The following PPIP5K2 variants were observed in gnomAD, a reference collection of about 807,000 sequenced individuals.
PPIP5K2 encodes inositol hexakisphosphate and diphosphoinositol-pentakisphosphate kinase 2.
Under a neutral mutation model 154.6 loss-of-function variants are expected in PPIP5K2, and 105 were observed. The ratio of observed to expected loss-of-function variants is 0.68; its 90% CI spans 0.58 to 0.80. The LOEUF is 0.80. Ranked by LOEUF, PPIP5K2 falls within the 30% of genes least tolerant of loss-of-function variation. The pLI is 0.00. For missense variants in PPIP5K2, 992 were observed against 1,504.6 expected, an observed-to-expected ratio of 0.66 and a Z score of 5.64; for synonymous variants, 480 against 490.3, an observed-to-expected ratio of 0.98 and a Z score of 0.28.
chr5:103,161,205 C>A (rs1395929107), intron 17 of PPIP5K2, among the ~76,000 whole-genome samples: 1 of 148,646 alleles, frequency 6.7e-6, no homozygotes, highest in Non-Finnish European at 1.5e-5. Flanking sequence ...TGAGAACATG[C>A]GGTGTTTGGT....
intron 1 of PPIP5K2, among the ~76,000 whole-genome samples, chr5:103,127,944 G>T (rs201701279): frequency 7.5e-6 from 1 of 134,224 alleles, no homozygotes; most frequent in Non-Finnish European, 1.7e-5. Flanking sequence ...TGTTGTTGTT[G>T]TTTTTTTTTT....
intron 5 of PPIP5K2, among the ~76,000 whole-genome samples, chr5:103,143,632 C>T (rs1793226298): frequency 6.6e-6 from 1 of 152,198 alleles, no homozygotes; most frequent in South Asian, 2.1e-4. Flanking sequence ...TGCAACAAAA[C>T]ACTTAGAGTT....
At position 103,205,299 on chromosome 5, in the gene PPIP5K2, A is replaced by G; in HGVS notation, c.*3665A>G. The G allele has an allele frequency of 6.6e-6, 1 of 152,200 alleles. No homozygotes were observed. Among genetic ancestry groups the G allele is most frequent in the East Asian group, 1.9e-4 (1 of 5,188 alleles). The allele number at this position is 152,200 out of a possible 1,614,324, so 9.4% of individuals were successfully genotyped here. On this transcript the variant is annotated 3_prime_UTR_variant, in exon 31 of 31. Coordinates refer to ENST00000358359, the MANE Select transcript of PPIP5K2 (RefSeq NM_001276277.3). ...TGCTATTGTGAATAGTGCCACAATA[A>G]ACATACGTGTGCATGTGTCTTTATA... is the stretch of plus-strand genomic sequence containing the variant.
chr5:103,199,817 G>T (rs1194567170), intron 30 of PPIP5K2, among the ~76,000 whole-genome samples: 1 of 151,638 alleles, frequency 6.6e-6, no homozygotes, highest in Admixed American at 6.6e-5. Flanking sequence ...TAGTTTTTTT[G>T]CAGGGATTTT....
Position 103,154,897 on chromosome 5 carries a change from G to A in PPIP5K2, c.1357G>A (p.Glu453Lys). The A allele has an allele frequency of 6.2e-7, 1 of 1,606,026 alleles. No individual in the cohort carries two copies. Among genetic ancestry groups the A allele is most frequent in the Non-Finnish European group, 8.5e-7 (1 of 1,176,624 alleles). ...ELGQNNDSEI[E>K]ENKPKLEQLK... ...AGGGCAAAATAATGATTCTGAAATT[G>A]AAGAAAACAAGCCAAAACTTGAACA... The change falls in exon 13 of 31, where the codon GAA (glutamate) becomes AAA (lysine). Residue 453 changes from glutamate to lysine, a missense_variant. This residue lies in a region of PPIP5K2 where 163 missense variants were observed against 285.2 expected (regional missense o/e 0.57). Coordinates refer to ENST00000358359, the MANE Select transcript of PPIP5K2 (RefSeq NM_001276277.3).
At chr5:103,192,004 T>C (rs1019767587) in intron 29 of PPIP5K2, among the ~76,000 whole-genome samples, 7 of 152,230 alleles carry the variant, frequency 4.6e-5, no homozygotes, top group African/African-American at 1.4e-4. Flanking sequence ...GTCATTCTCT[T>C]CTCTTTCCTG....
intron 5 of PPIP5K2, 110 bp from the exon 6 acceptor site, chr5:103,146,417 C>T (rs1350174403): frequency 1.8e-6 from 2 of 1,134,338 alleles, no homozygotes; most frequent in Middle Eastern, 3.1e-4. Flanking sequence ...AGTACATTAT[C>T]CAAGTTTTCT....
chr5:103,126,358 T>C (rs1401083524), intron 1 of PPIP5K2, among the ~76,000 whole-genome samples: 1 of 152,212 alleles, frequency 6.6e-6, no homozygotes, highest in Non-Finnish European at 1.5e-5. Context: ...AGACCAGTCA[T>C]TAATTCATAC....
chr5:103,189,232 T>C, intron 28 of PPIP5K2: 1 of 1,511,886 alleles, frequency 6.6e-7, no homozygotes, highest in Non-Finnish European at 8.9e-7. Flanking sequence ...CAGTGGTATG[T>C]TTTTATAGCT....
chr5:103,168,647 G>A (rs1364750372), intron 19 of PPIP5K2, among the ~76,000 whole-genome samples: 1 of 151,720 alleles, frequency 6.6e-6, no homozygotes, highest in Non-Finnish European at 1.5e-5. Context: ...CAAGAATGGT[G>A]CATTTGTTAT....
intron 30 of PPIP5K2, among the ~76,000 whole-genome samples, chr5:103,199,105 T>C (rs1802572789): frequency 6.6e-6 from 1 of 152,196 alleles, no homozygotes; most frequent in African/African-American, 2.4e-5. Flanking sequence ...GTTATCCTTA[T>C]GTGTTACTTC....
chr5:103,152,583 T>C, intron 9 of PPIP5K2, 65 bp from the exon 10 acceptor site: 2 of 947,418 alleles, frequency 2.1e-6, no homozygotes, highest in Non-Finnish European at 3.4e-6. Flanking sequence ...TCTCTCATCC[T>C]CATTAAGTAC....
intron 1 of PPIP5K2, among the ~76,000 whole-genome samples, chr5:103,126,493 TAGTC>T (rs1789698081): frequency 6.6e-6 from 1 of 152,188 alleles, no homozygotes; most frequent in South Asian, 2.1e-4. Context: ...GACTATGTAT[TAGTC>T]AGGGTTCTCT....
At chr5:103,186,045 A>G (rs1307749904) in intron 26 of PPIP5K2, among the ~76,000 whole-genome samples, 1 of 151,512 alleles carries the variant, frequency 6.6e-6, no homozygotes, top group Non-Finnish European at 1.5e-5. Context: ...GTATATGTCT[A>G]ATTATTATAT....
In PPIP5K2 at chr5:103,181,907, C is replaced by T. The variant is rs568003024; in HGVS notation, c.2923-1327C>T. Among the ~76,000 whole-genome samples the T allele has an allele frequency of 2.6e-5, 4 of 152,150 alleles. No individual in the cohort carries two copies. The South Asian group carries it at 8.3e-4, about 32-fold the overall frequency. On this transcript the variant is annotated intron_variant, in intron 24 of 30. Coordinates refer to ENST00000358359, the MANE Select transcript of PPIP5K2 (RefSeq NM_001276277.3). ...ATCCTTATAACTTTATAATGGAAAT[C>T]ATATAGTCGTTAAGGTTCCCTTGAA...
chr5:103,175,687 G>A (rs1798600316), intron 21 of PPIP5K2, among the ~76,000 whole-genome samples: 1 of 152,012 alleles, frequency 6.6e-6, no homozygotes. Flanking sequence ...GTTATTGTGT[G>A]GACAGCAGAT....
chr5:103,122,616 A>T (rs964110420), intron 1 of PPIP5K2, among the ~76,000 whole-genome samples: 1 of 152,170 alleles, frequency 6.6e-6, no homozygotes, highest in Non-Finnish European at 1.5e-5. Context: ...TGGATGTACT[A>T]TTGGTGGAAA....
chr5:103,178,037 T>G lies in PPIP5K2; in HGVS notation c.2754+57T>G, dbSNP rs57202974. ...ACTACAGTTCTAGATTTTCATGAGG[T>G]TTCTATAAGAGATTTTTATAATGTA... is the stretch of plus-strand genomic sequence containing the variant. On this transcript the variant is annotated intron_variant, in intron 23 of 30. Coordinates refer to ENST00000358359, the MANE Select transcript of PPIP5K2 (RefSeq NM_001276277.3). 2.9e-3 allele frequency: 3,104 copies of G among 1,084,084 alleles called. 61 individuals are homozygous for G. In the African/African-American group the frequency reaches 0.043, roughly 15 times the overall value. The allele number at this position is 1,084,084 out of a possible 1,614,324, so 67.2% of individuals were successfully genotyped here.
chr5:103,192,575 T>G (rs1329554884), intron 29 of PPIP5K2, among the ~76,000 whole-genome samples: 2 of 152,094 alleles, frequency 1.3e-5, no homozygotes, highest in African/African-American at 4.8e-5. Context: ...ATGAATGATT[T>G]GAAGGTAATA....
Sources: gnomAD v4.1 joint callset for allele counts (sites outside exome capture counted in the v4.1 genomes callset) on GRCh38, gnomAD v4.1.1 for gene constraint, gnomAD v4.1.1 regional missense constraint, MANE v1.5 for transcripts, NCBI Gene and HGNC (gene_info 2026-07-23, HGNC 2026-07-21) for gene names.